Variants in TDRD10 observed in about 807,000 individuals in gnomAD.
TDRD10 encodes the protein tudor domain containing 10, also known as tudor domain-containing protein 10.
In TDRD10, 40 loss-of-function variants were observed where a neutral mutation model predicts 48.0. The ratio of observed to expected loss-of-function variants is 0.83; its 90% CI spans 0.65 to 1.09. The LOEUF (loss-of-function observed/expected upper bound fraction) is 1.09, where lower values mean the gene tolerates loss of function less well. Ranked by LOEUF, TDRD10 falls within the 50% of genes least tolerant of loss-of-function variation. The probability of loss-of-function intolerance (pLI) is 0.00; values close to 1 mark genes in which losing one functional copy is unlikely to be tolerated. For synonymous variants in TDRD10, 162 were observed against 170.4 expected, an observed-to-expected ratio of 0.95 and a Z score of 0.38; for missense variants, 378 against 434.7, an observed-to-expected ratio of 0.87 and a Z score of 1.16.
intron 6 of TDRD10, 151 bp from the exon 7 acceptor site, chr1:154,541,872 TG>T (rs1309123626): frequency 1.1e-5 from 7 of 652,274 alleles, no homozygotes; most frequent in Non-Finnish European, 1.8e-5. Flanking sequence ...ATGGAGAGAG[TG>T]GACGGATGTC....
chr1:154,508,230 T>C (rs1049073343), intron 3 of TDRD10, among the ~76,000 whole-genome samples, 193 bp from the exon 4 acceptor site: 1 of 152,178 alleles, frequency 6.6e-6, no homozygotes, highest in African/African-American at 2.4e-5. Context: ...GAAGAAAAAG[T>C]GAAGCCAGGT....
At chr1:154,519,946 C>T (rs1412464091) in intron 4 of TDRD10, among the ~76,000 whole-genome samples, 1 of 152,178 alleles carries the variant, frequency 6.6e-6, no homozygotes, top group Admixed American at 6.5e-5. Context: ...AGGAGGTACT[C>T]GCAAAGCTGT....
chr1:154,507,927 C>T (rs1251075292), intron 3 of TDRD10, among the ~76,000 whole-genome samples: 1 of 152,184 alleles, frequency 6.6e-6, no homozygotes, highest in African/African-American at 2.4e-5. Flanking sequence ...CCCCTGCGTG[C>T]TCCCCACTCT....
At chr1:154,505,691 A>G (rs1314704132) in intron 1 of TDRD10, among the ~76,000 whole-genome samples, 1 of 152,230 alleles carries the variant, frequency 6.6e-6, no homozygotes, top group Non-Finnish European at 1.5e-5. Context: ...TTGGAATCAC[A>G]GGACTGAGTT....
intron 6 of TDRD10, among the ~76,000 whole-genome samples, chr1:154,525,895 CAAAAAAAAAAAA>C (rs59844127): frequency 1.3e-4 from 7 of 52,972 alleles, no homozygotes; most frequent in Non-Finnish European, 1.7e-4. Context: ...GATTCCGTCT[CAAAAAAAAAAAA>C]AAAAAAAAAA....
At chr1:154,509,883 GCAGTTCTGC>G (rs1326337677) in intron 4 of TDRD10, 2 of 985,026 alleles carry the variant, frequency 2.0e-6, no homozygotes, top group Non-Finnish European at 2.4e-6. Context: ...AAGATGCTGA[GCAGTTCTGC>G]CACCTCTCTC....
intron 6 of TDRD10, among the ~76,000 whole-genome samples, chr1:154,532,724 G>T (rs1017895368): frequency 6.6e-6 from 1 of 152,188 alleles, no homozygotes; most frequent in Admixed American, 6.5e-5. Flanking sequence ...TTGTTACGTT[G>T]CTAGACTAGA....
intron 6 of TDRD10, 105 bp from the exon 7 acceptor site, chr1:154,541,919 G>T: frequency 8.7e-7 from 1 of 1,143,880 alleles, no homozygotes; most frequent in Non-Finnish European, 1.3e-6. Flanking sequence ...TCAGAACAGG[G>T]GCTGCCGATG....
intron 6 of TDRD10, among the ~76,000 whole-genome samples, chr1:154,531,815 T>A (rs1229736167): frequency 7.9e-5 from 12 of 152,320 alleles, no homozygotes; most frequent in African/African-American, 2.9e-4. Context: ...TTGGTCTGTT[T>A]TGACAGGGTG....
intron 1 of TDRD10, among the ~76,000 whole-genome samples, chr1:154,503,293 A>G (rs1205704511): frequency 2.0e-5 from 3 of 152,202 alleles, no homozygotes; most frequent in Non-Finnish European, 4.4e-5. Flanking sequence ...GAAGCCCTTT[A>G]AAAGCTTTCT....
chr1:154,523,996 G>A (rs1694183269), intron 6 of TDRD10, among the ~76,000 whole-genome samples: 1 of 151,804 alleles, frequency 6.6e-6, no homozygotes, highest in Non-Finnish European at 1.5e-5. Flanking sequence ...TTTCTCTGCT[G>A]GACTTTTTCA....
chr1:154,511,071 A>G (rs1006763132), intron 4 of TDRD10, among the ~76,000 whole-genome samples: 4 of 151,770 alleles, frequency 2.6e-5, no homozygotes, highest in Admixed American at 6.6e-5. Flanking sequence ...TAAAATATAT[A>G]TAATATTTAC....
intron 6 of TDRD10, among the ~76,000 whole-genome samples, chr1:154,533,598 A>G (rs1694762560): frequency 2.0e-5 from 3 of 151,904 alleles, no homozygotes; most frequent in South Asian, 2.1e-4. Flanking sequence ...TGAAGTATGT[A>G]TATTTCATCT....
At chr1:154,536,499 T>C (rs1032407034) in intron 6 of TDRD10, among the ~76,000 whole-genome samples, 1 of 152,208 alleles carries the variant, frequency 6.6e-6, no homozygotes, top group African/African-American at 2.4e-5. Flanking sequence ...AACCCATTCT[T>C]ATATTTTAGA....
At chr1:154,513,959 G>T (rs528053170) in intron 4 of TDRD10, among the ~76,000 whole-genome samples, 224 of 152,332 alleles carry the variant, frequency 1.5e-3, no homozygotes, top group African/African-American at 4.7e-3. Flanking sequence ...GGAGGCCAAG[G>T]CGTGTGGATC....
At chr1:154,511,209 A>G (rs1369251511) in intron 4 of TDRD10, among the ~76,000 whole-genome samples, 1 of 151,928 alleles carries the variant, frequency 6.6e-6, no homozygotes, top group African/African-American at 2.4e-5. Flanking sequence ...GGCTCAAGCA[A>G]TCCTCCCACC....
At chr1:154,544,232 G>A in intron 9 of TDRD10, 122 bp downstream of exon 9, 2 of 1,546,682 alleles carry the variant, frequency 1.3e-6, no homozygotes, top group South Asian at 1.2e-5. Context: ...CTGATCCTGG[G>A]TTCAGTCTCG....
chr1:154,525,895 CAAAAAAAA>C (rs59844127), intron 6 of TDRD10, among the ~76,000 whole-genome samples: 2 of 52,982 alleles, frequency 3.8e-5, no homozygotes, highest in Admixed American at 3.0e-4. Flanking sequence ...GATTCCGTCT[CAAAAAAAA>C]AAAAAAAAAA....
At chr1:154,507,483 T>C (rs1467029116) in intron 3 of TDRD10, among the ~76,000 whole-genome samples, 163 bp downstream of exon 3, 1 of 152,166 alleles carries the variant, frequency 6.6e-6, no homozygotes, top group East Asian at 1.9e-4. Context: ...TGTCTCATAG[T>C]GGATGTGGCG....
Sources: gnomAD v4.1 joint callset for allele counts (sites outside exome capture counted in the v4.1 genomes callset) on GRCh38, gnomAD v4.1.1 for gene constraint, MANE v1.5 for transcripts, NCBI Gene and HGNC (gene_info 2026-07-23, HGNC 2026-07-21) for gene names.